HS6ST1: variants seen among roughly 807,000 people sequenced by gnomAD.
HS6ST1 encodes the protein heparan-sulfate 6-O-sulfotransferase 1.
Under a neutral mutation model 25.2 loss-of-function variants are expected in HS6ST1, and 3 were observed. The observed-to-expected ratio is 0.12, with a 90% CI of 0.05 to 0.31. The LOEUF is 0.31. HS6ST1 is among the 10% of genes least tolerant of loss of function. The pLI is 1.00. For missense variants in HS6ST1, 310 were observed against 609.6 expected (o/e 0.51, Z 5.18); for synonymous variants, 204 against 275.1 (o/e 0.74, Z 2.56).
At chr2:128,291,228 C>T (rs1278869121) in intron 1 of HS6ST1, among the ~76,000 whole-genome samples, 5 of 152,250 alleles carry the variant, frequency 3.3e-5, no homozygotes, top group Admixed American at 2.6e-4. Context: ...GTGAGTACCC[C>T]GTGCAGGCAT....
rs1287968809 is a variant in HS6ST1 at position 128,265,752 on chromosome 2, G to T, written c.*2410C>A. ...CTGGCTTCCCCTTCCAGGAGGGGAC[G>T]TTTGCAGGTCTGGGGGTCCTGGTGA... is the stretch of plus-strand genomic sequence containing the variant. On this transcript the variant is annotated 3_prime_UTR_variant, in exon 2 of 2. Coordinates refer to ENST00000259241, the MANE Select transcript of HS6ST1 (RefSeq NM_004807.3). 6.6e-6 allele frequency: 1 copy of T among 152,204 alleles called. No individual in the cohort carries two copies. The highest frequency in any genetic ancestry group is 1.5e-5 in the Non-Finnish European group (1 of 68,050). 9.4% of individuals were successfully genotyped at this position (152,204 alleles called of 1,614,324 possible). A position where few individuals can be genotyped will look rare whatever the true frequency, so the allele number is the denominator to read the frequency against.
intron 1 of HS6ST1, among the ~76,000 whole-genome samples, chr2:128,288,719 T>G (rs1035958376): frequency 5.9e-5 from 8 of 134,746 alleles, no homozygotes; most frequent in African/African-American, 1.5e-4. Context: ...TCTGACTTTC[T>G]CACAGGAGGT....
At chr2:128,307,881 T>C (rs2104935045) in intron 1 of HS6ST1, among the ~76,000 whole-genome samples, 1 of 152,316 alleles carries the variant, frequency 6.6e-6, no homozygotes, top group African/African-American at 2.4e-5. Context: ...TGGACTGTGA[T>C]GGCCAAAGTG....
At chr2:128,272,197 C>T (rs995337197) in intron 1 of HS6ST1, among the ~76,000 whole-genome samples, 8 of 152,230 alleles carry the variant, frequency 5.3e-5, no homozygotes, top group Non-Finnish European at 7.3e-5. Flanking sequence ...GCTGCCCTCC[C>T]GATGTGGCCT....
chr2:128,317,976 G>A (rs1694399376), intron 1 of HS6ST1, 61 bp downstream of exon 1: 3 of 1,390,158 alleles, frequency 2.2e-6, no homozygotes, highest in African/African-American at 1.5e-5. Context: ...ACAGCACGGC[G>A]GGCATACGGC....
At chr2:128,289,465 A>G (rs1462474995) in intron 1 of HS6ST1, among the ~76,000 whole-genome samples, 1 of 152,200 alleles carries the variant, frequency 6.6e-6, no homozygotes, top group Non-Finnish European at 1.5e-5. Flanking sequence ...AGTCTCCCAG[A>G]TACCAGAGGT....
chr2:128,306,408 C>T (rs1456550570), intron 1 of HS6ST1, among the ~76,000 whole-genome samples: 1 of 152,224 alleles, frequency 6.6e-6, no homozygotes, highest in African/African-American at 2.4e-5. Flanking sequence ...GACACCCCCA[C>T]CCCACCCTGG....
intron 1 of HS6ST1, among the ~76,000 whole-genome samples, chr2:128,285,683 T>C (rs185289272): frequency 1.6e-4 from 24 of 152,310 alleles, no homozygotes; most frequent in African/African-American, 5.1e-4. Context: ...CCTGCCAGGC[T>C]GACTCCTGCC....
rs186113465 is a variant in HS6ST1, at chr2:128,316,553, G to A, written c.527+1484C>T. On this transcript the variant is annotated intron_variant, in intron 1 of 1. Transcript: ENST00000259241. ...GTTAGGGGGGCCCTGCAGCAGGAAC[G>A]TGCATCTGTGCAGAGCAGACTAAGT... Among the ~76,000 whole-genome samples, 153 of 152,308 alleles carry A rather than the reference G, an allele frequency of 1.0e-3. 1 individual carries two copies. Among genetic ancestry groups the A allele is most frequent in the Admixed American group, 6.2e-3 (95 of 15,302 alleles).
intron 1 of HS6ST1, among the ~76,000 whole-genome samples, chr2:128,283,827 A>G (rs1333389882): frequency 6.6e-6 from 1 of 152,048 alleles, no homozygotes; most frequent in Non-Finnish European, 1.5e-5. Flanking sequence ...TGAGTTCTAG[A>G]GCTATCGCCA....
At chr2:128,307,484 C>A (rs1694230834) in intron 1 of HS6ST1, among the ~76,000 whole-genome samples, 1 of 152,228 alleles carries the variant, frequency 6.6e-6, no homozygotes, top group Non-Finnish European at 1.5e-5. Context: ...CAAGTCCACA[C>A]ATGGAGAAAT....
At chr2:128,278,504 G>T (rs1693729888) in intron 1 of HS6ST1, among the ~76,000 whole-genome samples, 2 of 152,212 alleles carry the variant, frequency 1.3e-5, no homozygotes, top group Non-Finnish European at 2.9e-5. Flanking sequence ...AGACATGGCA[G>T]GGCTGCCTCA....
intron 1 of HS6ST1, among the ~76,000 whole-genome samples, chr2:128,280,688 T>C (rs1053710577): frequency 5.2e-5 from 7 of 134,692 alleles, no homozygotes; most frequent in African/African-American, 2.4e-4. Flanking sequence ...TGTAGAAGAG[T>C]AGTCAGATTT....
chr2:128,297,850 C>T (rs1265654825), intron 1 of HS6ST1, among the ~76,000 whole-genome samples: 1 of 152,046 alleles, frequency 6.6e-6, no homozygotes. Context: ...CAAAACAAAA[C>T]AAAAAATTGA....
chr2:128,274,963 CAAAAAAAAAAAAA>C (rs56898137), intron 1 of HS6ST1, among the ~76,000 whole-genome samples: 3 of 51,216 alleles, frequency 5.9e-5, no homozygotes, highest in African/African-American at 2.3e-4. Flanking sequence ...GACTCCGTCT[CAAAAAAAAAAAAA>C]AAAAAAAAAA....
rs370140618 is a variant in HS6ST1 at position 128,301,829 on chromosome 2, C to T, written c.527+16208G>A. On this transcript the variant is annotated intron_variant, in intron 1 of 1. Coordinates refer to ENST00000259241, the MANE Select transcript of HS6ST1 (RefSeq NM_004807.3). ...TGGGGTCCCCGGCACTCATGGACATCGGGCAGCATGTGTTCCTGGGCCCCA... is the reference window on the plus strand; with the variant it reads ...TGGGGTCCCCGGCACTCATGGACATTGGGCAGCATGTGTTCCTGGGCCCCA... Among the ~76,000 whole-genome samples, 19 of 152,296 alleles carry T rather than the reference C, an allele frequency of 1.2e-4. No homozygotes were observed. The East Asian group carries it at 1.7e-3, about 14-fold the overall frequency.
chr2:128,307,458 C>T (rs752495824), intron 1 of HS6ST1, among the ~76,000 whole-genome samples: 22 of 152,142 alleles, frequency 1.4e-4, no homozygotes, highest in South Asian at 6.2e-4. Context: ...GTGCAGGCAC[C>T]GGGATGCCAC....
At chr2:128,282,131 C>A (rs1382463529) in intron 1 of HS6ST1, among the ~76,000 whole-genome samples, 1 of 152,244 alleles carries the variant, frequency 6.6e-6, no homozygotes. Flanking sequence ...CTGACTACTG[C>A]CCAAACCATG....
In HS6ST1 at chr2:128,287,191, G is replaced by A. The variant is rs182384222; in HGVS notation, c.528-18321C>T. Among the ~76,000 whole-genome samples, 145 of 152,314 alleles carry A rather than the reference G, an allele frequency of 9.5e-4. 1 individual carries two copies. The highest frequency in any genetic ancestry group is 3.1e-3 in the African/African-American group (128 of 41,554). On this transcript the variant is annotated intron_variant, in intron 1 of 1. Coordinates refer to ENST00000259241, the MANE Select transcript of HS6ST1 (RefSeq NM_004807.3). ...ACAAAGGCACTGATGGGAAGGAAGC[G>A]CCCAACCCCTCCTGGTCCCAGGAAT...
Sources: gnomAD v4.1 joint callset for allele counts (sites outside exome capture counted in the v4.1 genomes callset) on GRCh38, gnomAD v4.1.1 for gene constraint, MANE v1.5 for transcripts, NCBI Gene and HGNC (gene_info 2026-07-23, HGNC 2026-07-21) for gene names.